The following CCDC148 variants were observed in gnomAD, a reference collection of about 807,000 sequenced individuals.
CCDC148 encodes coiled-coil domain-containing protein 148.
Under a neutral mutation model 85.7 loss-of-function variants are expected in CCDC148, and 89 were observed. The ratio of observed to expected loss-of-function variants is 1.04; its 90% confidence interval spans 0.87 to 1.24. CCDC148 has a LOEUF of 1.24. Among genes scored for constraint, CCDC148 ranks in the 50% most tolerant of loss-of-function variants. The pLI is 0.00. For synonymous variants in CCDC148, 230 were observed against 213.9 expected, an observed-to-expected ratio of 1.08 and a Z score of -0.66; for missense variants, 692 against 671.7, an observed-to-expected ratio of 1.03 and a Z score of -0.33.
chr2:158,271,940 A>G (rs886155879), intron 9 of CCDC148, among the ~76,000 whole-genome samples: 1 of 152,126 alleles, frequency 6.6e-6, no homozygotes, highest in Admixed American at 6.6e-5. Flanking sequence ...TTCCCTAACT[A>G]CTTTAGCTTA....
At chr2:158,221,461 A>G (rs1163199196) in intron 10 of CCDC148, among the ~76,000 whole-genome samples, 1 of 152,208 alleles carries the variant, frequency 6.6e-6, no homozygotes, top group Non-Finnish European at 1.5e-5. Flanking sequence ...TTTATTGAAC[A>G]GAGGCCCATT....
At chr2:158,218,268 T>G (rs1686995414) in intron 11 of CCDC148, among the ~76,000 whole-genome samples, 1 of 152,152 alleles carries the variant, frequency 6.6e-6, no homozygotes, top group African/African-American at 2.4e-5. Context: ...CCAGTTCAAC[T>G]TTACAGAGGA....
At chr2:158,374,128 C>T (rs1313345180) in intron 1 of CCDC148, among the ~76,000 whole-genome samples, 1 of 151,960 alleles carries the variant, frequency 6.6e-6, no homozygotes, top group Non-Finnish European at 1.5e-5. Flanking sequence ...GAACAACCTC[C>T]AAGTCAAAAT....
rs1004893037 is a variant in CCDC148 at position 158,456,505 on chromosome 2, T to G, written c.-66A>C. On this transcript the variant is annotated 5_prime_UTR_variant, in exon 1 of 14. Transcript: ENST00000283233. ...GCAGGAAAAGTGAAACGCCCACTCC[T>G]GGGCTCTCGCCGTCAGGGGTACATC... The G allele has an allele frequency of 1.9e-6, 3 of 1,575,334 alleles. No individual in the cohort carries two copies. The African/African-American group carries it at 4.1e-5, about 21-fold the overall frequency.
chr2:158,426,291 T>C (rs1687074116), intron 1 of CCDC148, among the ~76,000 whole-genome samples: 1 of 152,086 alleles, frequency 6.6e-6, no homozygotes. Flanking sequence ...ATCACAACAC[T>C]GAACAAAATA....
At chr2:158,417,688 C>A (rs1034264026) in intron 1 of CCDC148, among the ~76,000 whole-genome samples, 1 of 152,124 alleles carries the variant, frequency 6.6e-6, no homozygotes, top group Non-Finnish European at 1.5e-5. Context: ...CTTTACCGTC[C>A]ACATGCACTC....
At chr2:158,223,458 CT>C (rs755881849) in intron 10 of CCDC148, among the ~76,000 whole-genome samples, 2 of 152,186 alleles carry the variant, frequency 1.3e-5, no homozygotes, top group Non-Finnish European at 2.9e-5. Context: ...TGTCTGACAG[CT>C]TTGAAGAGTG....
chr2:158,437,065 C>T (rs1005363692), intron 1 of CCDC148, among the ~76,000 whole-genome samples: 4 of 152,150 alleles, frequency 2.6e-5, no homozygotes. Context: ...GGAGCTGGTA[C>T]CATTCCTTCT....
intron 10 of CCDC148, among the ~76,000 whole-genome samples, chr2:158,225,771 C>A (rs1687481030): frequency 6.6e-6 from 1 of 152,080 alleles, no homozygotes; most frequent in South Asian, 2.1e-4. Context: ...AACAAAGACA[C>A]AACATACCAG....
intron 9 of CCDC148, 90 bp from the exon 10 acceptor site, chr2:158,251,002 G>T: frequency 8.6e-7 from 1 of 1,161,382 alleles, no homozygotes; most frequent in South Asian, 1.7e-5. Context: ...ATATCAAGCA[G>T]ATGTCACTTT....
chr2:158,399,706 A>T (rs1685688584), intron 1 of CCDC148, among the ~76,000 whole-genome samples: 2 of 152,152 alleles, frequency 1.3e-5, no homozygotes, highest in African/African-American at 4.8e-5. Context: ...TCCCTCTGAA[A>T]ACCAGCAGAA....
chr2:158,429,302 G>T (rs1687223776), intron 1 of CCDC148, among the ~76,000 whole-genome samples: 1 of 151,984 alleles, frequency 6.6e-6, no homozygotes, highest in African/African-American at 2.4e-5. Context: ...AAAAAAATAA[G>T]TTTGAAAGTC....
At chr2:158,336,823 G>A (rs1366263764) in intron 7 of CCDC148, among the ~76,000 whole-genome samples, 1 of 152,026 alleles carries the variant, frequency 6.6e-6, no homozygotes, top group East Asian at 1.9e-4. Context: ...TCCTCAAGGG[G>A]TTTACAGTCT....
chr2:158,226,628 C>T (rs1050316767), intron 10 of CCDC148, among the ~76,000 whole-genome samples: 20 of 152,168 alleles, frequency 1.3e-4, no homozygotes, highest in Non-Finnish European at 2.4e-4. Context: ...GGCATCATCC[C>T]TGGGATGCAA....
intron 11 of CCDC148, among the ~76,000 whole-genome samples, chr2:158,185,312 T>G (rs1685102157): frequency 6.6e-6 from 1 of 152,124 alleles, no homozygotes. Context: ...AAAACACTGG[T>G]GTATCCTGAT....
intron 9 of CCDC148, among the ~76,000 whole-genome samples, chr2:158,294,066 G>A (rs557378789): frequency 3.4e-5 from 4 of 116,946 alleles, no homozygotes; most frequent in South Asian, 3.1e-4. Flanking sequence ...CCTTCCTTCC[G>A]CCTTGGAAAT....
chr2:158,394,625 CTG>C (rs1468851366), intron 1 of CCDC148, among the ~76,000 whole-genome samples: 2 of 151,630 alleles, frequency 1.3e-5, no homozygotes, highest in Admixed American at 1.3e-4. Flanking sequence ...AAAAAAAAAA[CTG>C]TGGAGAAACC....
intron 10 of CCDC148, among the ~76,000 whole-genome samples, chr2:158,239,348 C>G (rs942912568): frequency 4.1e-5 from 6 of 145,026 alleles, no homozygotes; most frequent in African/African-American, 1.5e-4. Flanking sequence ...AAACTATGTC[C>G]TGACAGAGGG....
At chr2:158,192,366 T>C (rs1030263298) in intron 11 of CCDC148, among the ~76,000 whole-genome samples, 3 of 152,002 alleles carry the variant, frequency 2.0e-5, no homozygotes, top group African/African-American at 7.2e-5. Context: ...TTGTAAACTT[T>C]AGTCGGATGT....
Sources: gnomAD v4.1 joint callset for allele counts (sites outside exome capture counted in the v4.1 genomes callset) on GRCh38, gnomAD v4.1.1 for gene constraint, MANE v1.5 for transcripts, NCBI Gene and HGNC (gene_info 2026-07-23, HGNC 2026-07-21) for gene names.